Variants in CNTNAP5 observed in about 807,000 individuals in gnomAD.
CNTNAP5 encodes contactin-associated protein-like 5.
A neutral mutation model predicts 150.2 loss-of-function variants in CNTNAP5; 72 were observed. The ratio of observed to expected loss-of-function variants is 0.48; its 90% confidence interval spans 0.40 to 0.58. The LOEUF is 0.58. Among genes scored for constraint, CNTNAP5 ranks in the 20% least tolerant of loss-of-function variants. The pLI, the probability that CNTNAP5 is intolerant of heterozygous loss-of-function variation, is 0.00. For missense variants in CNTNAP5, 1,636 were observed against 1,626.2 expected, an observed-to-expected ratio of 1.01 and a Z score of -0.10; for synonymous variants, 672 against 619.8, an observed-to-expected ratio of 1.08 and a Z score of -1.25.
intron 3 of CNTNAP5, among the ~76,000 whole-genome samples, chr2:124,302,095 T>C (rs1222646696): frequency 6.6e-6 from 1 of 152,152 alleles, no homozygotes; most frequent in Non-Finnish European, 1.5e-5. Context: ...CTGTAAGCCA[T>C]GTAGTGAGGC....
At chr2:124,698,373 G>C (rs1679448936) in intron 13 of CNTNAP5, among the ~76,000 whole-genome samples, 1 of 30,210 alleles carries the variant, frequency 3.3e-5, no homozygotes, top group Admixed American at 4.4e-4. Flanking sequence ...TAGACGAGAG[G>C]ATACACACAC....
chr2:124,129,722 T>A (rs1200975472), intron 1 of CNTNAP5, among the ~76,000 whole-genome samples: 1 of 152,144 alleles, frequency 6.6e-6, no homozygotes, highest in Non-Finnish European at 1.5e-5. Context: ...ACAATAAAAT[T>A]GTGAGGAAAG....
chr2:124,345,278 G>A (rs921678356), intron 3 of CNTNAP5, among the ~76,000 whole-genome samples: 1 of 152,154 alleles, frequency 6.6e-6, no homozygotes, highest in African/African-American at 2.4e-5. Flanking sequence ...AACTATATCA[G>A]AATATTCATT....
At chr2:124,184,299 C>T (rs1338897803) in intron 1 of CNTNAP5, among the ~76,000 whole-genome samples, 1 of 152,162 alleles carries the variant, frequency 6.6e-6, no homozygotes, top group Non-Finnish European at 1.5e-5. Flanking sequence ...ATATATGCCC[C>T]TCCCCAGCTT....
At chr2:124,865,715 GCGGGCAGA>G (rs1176545251) in intron 20 of CNTNAP5, among the ~76,000 whole-genome samples, 1 of 152,140 alleles carries the variant, frequency 6.6e-6, no homozygotes, top group Non-Finnish European at 1.5e-5. Context: ...GGAGTCTGAG[GCGGGCAGA>G]TCAAGAGGTC....
At chr2:124,601,621 T>G (rs1334880767) in intron 11 of CNTNAP5, among the ~76,000 whole-genome samples, 6 of 152,206 alleles carry the variant, frequency 3.9e-5, no homozygotes, top group Non-Finnish European at 7.3e-5. Flanking sequence ...TTAATATTCT[T>G]AGAGACATGA....
intron 3 of CNTNAP5, among the ~76,000 whole-genome samples, chr2:124,303,800 C>A (rs1388524399): frequency 6.6e-6 from 1 of 152,072 alleles, no homozygotes; most frequent in African/African-American, 2.4e-5. Flanking sequence ...TGGGAGGCCA[C>A]AGAGGGGCAT....
At chr2:124,841,839 A>T (rs1232169943) in intron 19 of CNTNAP5, among the ~76,000 whole-genome samples, 1 of 152,118 alleles carries the variant, frequency 6.6e-6, no homozygotes, top group African/African-American at 2.4e-5. Flanking sequence ...TCCTTGTTAG[A>T]CAGAAGTGTC....
rs371970390 is a variant in CNTNAP5, at chr2:124,920,095, G to A, written c.*5807G>A. 1.7e-4 allele frequency among the ~76,000 whole-genome samples: 26 copies of A among 152,162 alleles called. No homozygotes were observed. The South Asian group carries it at 5.2e-3, about 30-fold the overall frequency. ...ACACTATTTTTTCTCAGTCCTTCCA[G>A]TTGACACAAGGAAACCCTTTATAAA... is the stretch of plus-strand genomic sequence containing the variant. On this transcript the variant is annotated 3_prime_UTR_variant, in exon 24 of 24. Coordinates refer to ENST00000682447, the MANE Select transcript of CNTNAP5 (RefSeq NM_001367498.1).
chr2:124,032,197 G>A (rs1681072429), intron 1 of CNTNAP5, among the ~76,000 whole-genome samples: 1 of 152,072 alleles, frequency 6.6e-6, no homozygotes, highest in Non-Finnish European at 1.5e-5. Context: ...ATCTCATACT[G>A]GCTGGGGCAT....
intron 13 of CNTNAP5, among the ~76,000 whole-genome samples, chr2:124,652,128 A>G (rs896362400): frequency 6.6e-6 from 1 of 152,168 alleles, no homozygotes; most frequent in African/African-American, 2.4e-5. Context: ...AGTGCCAACC[A>G]ATGGAATGCA....
At position 124,818,482 on chromosome 2, in the gene CNTNAP5, C is replaced by A. The variant is rs529188342; in HGVS notation, c.3217+20162C>A. Among the ~76,000 whole-genome samples, 6 of 152,208 alleles carry A rather than the reference C, an allele frequency of 3.9e-5. No homozygotes were observed. The South Asian group carries it at 1.2e-3, about 32-fold the overall frequency. ...GGGTTTGCATGGCTACAGTGAGGTACAATTGCACTACTGCACTCCATTCTG... is the reference window on the plus strand; with the variant it reads ...GGGTTTGCATGGCTACAGTGAGGTAAAATTGCACTACTGCACTCCATTCTG... On this transcript the variant is annotated intron_variant, in intron 19 of 23. Transcript: ENST00000682447.
chr2:124,872,415 TGC>T (rs1378073423), intron 21 of CNTNAP5, among the ~76,000 whole-genome samples: 19 of 144,000 alleles, frequency 1.3e-4, no homozygotes, highest in Non-Finnish European at 1.8e-4. Flanking sequence ...TGTGTGTGTG[TGC>T]GTGCATGTGC....
At chr2:124,540,697 TTCA>T (rs1403328557) in intron 10 of CNTNAP5, among the ~76,000 whole-genome samples, 1 of 152,090 alleles carries the variant, frequency 6.6e-6, no homozygotes, top group East Asian at 1.9e-4. Flanking sequence ...CATTCATTCA[TTCA>T]TTCTTTCATC....
intron 1 of CNTNAP5, among the ~76,000 whole-genome samples, chr2:124,095,029 G>A (rs1467519617): frequency 6.6e-6 from 1 of 152,138 alleles, no homozygotes; most frequent in African/African-American, 2.4e-5. Flanking sequence ...AATCCCTTGG[G>A]TAAGACACAT....
chr2:124,650,018 C>T (rs1439902570), intron 13 of CNTNAP5, among the ~76,000 whole-genome samples: 7 of 152,118 alleles, frequency 4.6e-5, no homozygotes, highest in Non-Finnish European at 1.0e-4. Context: ...ATAATCTCAT[C>T]CCCTGAAGAT....
intron 3 of CNTNAP5, among the ~76,000 whole-genome samples, chr2:124,395,254 G>T (rs867608551): frequency 6.6e-6 from 1 of 152,242 alleles, no homozygotes; most frequent in Non-Finnish European, 1.5e-5. Context: ...ATGTGCCATA[G>T]CAGTTCAGAG....
chr2:124,464,524 T>C lies in CNTNAP5; in HGVS notation c.919-10215T>C, dbSNP rs566754052. 2.2e-4 allele frequency among the ~76,000 whole-genome samples: 33 copies of C among 152,252 alleles called. 1 individual carries two copies. The South Asian group carries it at 5.8e-3, about 27-fold the overall frequency. On this transcript the variant is annotated intron_variant, in intron 6 of 23. Transcript: ENST00000682447. Reference sequence around the variant, plus strand: ...AGGCATGATATGTACTACGAGCATATTAAAGTGACAGACATCAGAAGTTCC... The same window carrying C: ...AGGCATGATATGTACTACGAGCATACTAAAGTGACAGACATCAGAAGTTCC...
intron 1 of CNTNAP5, among the ~76,000 whole-genome samples, chr2:124,031,492 G>A (rs1389730579): frequency 6.6e-6 from 1 of 152,126 alleles, no homozygotes; most frequent in East Asian, 1.9e-4. Flanking sequence ...AGCTATTAAA[G>A]GAAAGAACAG....
Sources: gnomAD v4.1 joint callset for allele counts (sites outside exome capture counted in the v4.1 genomes callset) on GRCh38, gnomAD v4.1.1 for gene constraint, MANE v1.5 for transcripts, NCBI Gene and HGNC (gene_info 2026-07-23, HGNC 2026-07-21) for gene names.